PTPN9: variants seen among roughly 807,000 people sequenced by gnomAD.
PTPN9 encodes the protein protein tyrosine phosphatase non-receptor type 9.
A neutral mutation model predicts 69.8 loss-of-function variants in PTPN9; 26 were observed. The observed-to-expected ratio is 0.37, with a 90% CI of 0.27 to 0.52. PTPN9 has a LOEUF of 0.52. Among genes scored for constraint, PTPN9 ranks in the 20% least tolerant of loss-of-function variants. The pLI is 0.91. For synonymous variants in PTPN9, 274 were observed against 272.5 expected (o/e 1.01, Z -0.05); for missense variants, 549 against 740.3 (o/e 0.74, Z 3.00).
At chr15:75,553,557 C>T (rs2075064385) in intron 1 of PTPN9, among the ~76,000 whole-genome samples, 1 of 152,196 alleles carries the variant, frequency 6.6e-6, no homozygotes, top group Non-Finnish European at 1.5e-5. Flanking sequence ...TACCTGACAA[C>T]TGCTTCTATC....
At chr15:75,502,397 G>A (rs1301662264) in intron 7 of PTPN9, among the ~76,000 whole-genome samples, 1 of 151,756 alleles carries the variant, frequency 6.6e-6, no homozygotes, top group Non-Finnish European at 1.5e-5. Flanking sequence ...GCAGTGAGCC[G>A]AGATCGTGCC....
intron 1 of PTPN9, among the ~76,000 whole-genome samples, chr15:75,562,969 G>A (rs1374676568): frequency 6.6e-6 from 1 of 151,910 alleles, no homozygotes; most frequent in Non-Finnish European, 1.5e-5. Flanking sequence ...GGGTACATGT[G>A]CAGGTTTATT....
At chr15:75,538,358 T>C (rs567206368) in intron 1 of PTPN9, among the ~76,000 whole-genome samples, 1 of 152,058 alleles carries the variant, frequency 6.6e-6, no homozygotes, top group Non-Finnish European at 1.5e-5. Flanking sequence ...CTGAAGGTCA[T>C]ACCTAACAGA....
At chr15:75,507,571 TC>T (rs2074826256) in intron 6 of PTPN9, among the ~76,000 whole-genome samples, 1 of 147,858 alleles carries the variant, frequency 6.8e-6, no homozygotes, top group Non-Finnish European at 1.5e-5. Flanking sequence ...ATCAAGACCA[TC>T]CTGGCTAACA....
intron 7 of PTPN9, among the ~76,000 whole-genome samples, chr15:75,494,007 G>C (rs1384565260): frequency 6.6e-6 from 1 of 151,848 alleles, no homozygotes; most frequent in African/African-American, 2.4e-5. Context: ...ACATAGTCAA[G>C]CTCATTTATT....
Position 75,473,723 on chromosome 15 carries a change from C to G in PTPN9, c.1174G>C (p.Glu392Gln). 1 of 1,588,776 alleles carries G rather than the reference C, an allele frequency of 6.3e-7. No individual in the cohort carries two copies. Among genetic ancestry groups the G allele is most frequent in the Non-Finnish European group, 8.6e-7 (1 of 1,156,962 alleles). ...TYRDFWLMVW[E>Q]QKVLVIVMTT... ...ATGACAATCACCAAGACTTTTTGCTCCCATACCATGAGCCAGAAATCACGA... is the reference window on the plus strand; with the variant it reads ...ATGACAATCACCAAGACTTTTTGCTGCCATACCATGAGCCAGAAATCACGA... Residue 392 changes from glutamate to glutamine, a missense_variant, in exon 10 of 13, where the codon GAG (glutamate) becomes CAG (glutamine). Glu to Gln is a conservative substitution (Grantham distance 29). Transcript: ENST00000618819.
chr15:75,566,394 G>C (rs918255345), intron 1 of PTPN9, among the ~76,000 whole-genome samples: 1 of 152,186 alleles, frequency 6.6e-6, no homozygotes, highest in African/African-American at 2.4e-5. Flanking sequence ...TAAAAGAAAC[G>C]TAAGTGGCGG....
intron 5 of PTPN9, among the ~76,000 whole-genome samples, chr15:75,511,058 C>T (rs560935915): frequency 4.0e-4 from 61 of 152,294 alleles, no homozygotes; most frequent in Non-Finnish European, 4.4e-4. Context: ...ACATTGCTTT[C>T]TAAGGCTGAA....
intron 7 of PTPN9, among the ~76,000 whole-genome samples, chr15:75,503,658 C>T (rs1364887471): frequency 7.4e-6 from 1 of 134,414 alleles, no homozygotes; most frequent in Non-Finnish European, 1.6e-5. Flanking sequence ...CTCTGCCCAG[C>T]CGCCCCTACT....
chr15:75,572,826 T>C (rs1024230530), intron 1 of PTPN9, among the ~76,000 whole-genome samples: 2 of 152,164 alleles, frequency 1.3e-5, no homozygotes, highest in Non-Finnish European at 2.9e-5. Context: ...CACCTTGAAA[T>C]GGAGAGTTGA....
At position 75,468,867 on chromosome 15, in the gene PTPN9, C is replaced by G. The variant is rs1259088932; in HGVS notation, c.1684G>C (p.Glu562Gln). 2 of 1,614,172 alleles carry G rather than the reference C, an allele frequency of 1.2e-6. No homozygotes were observed. Among genetic ancestry groups the G allele is most frequent in the Admixed American group, 3.3e-5 (2 of 60,026 alleles). ...TQRAFSIQTP[E>Q]QYYFCYKAIL... ...GCCTTGTAGCAAAAATAGTACTGCT[C>G]AGGGGTCTGGATGCTGAAGGCCCTC... Residue 562 changes from glutamate (E) to glutamine (Q), a missense_variant, in exon 13 of 13, where the codon GAG (glutamate) becomes CAG (glutamine). By Grantham distance (29) the Glu-to-Gln change is conservative (BLOSUM62 2). Transcript: ENST00000618819.
chr15:75,546,521 T>C (rs1461141321), intron 1 of PTPN9, among the ~76,000 whole-genome samples: 1 of 151,810 alleles, frequency 6.6e-6, no homozygotes, highest in Non-Finnish European at 1.5e-5. Context: ...CACATGCCTG[T>C]ACTCCCAGCT....
chr15:75,556,504 G>A (rs1247394770), intron 1 of PTPN9, among the ~76,000 whole-genome samples: 1 of 152,012 alleles, frequency 6.6e-6, no homozygotes, highest in Non-Finnish European at 1.5e-5. Context: ...AGCCTTCTGA[G>A]TAGCTGGGAT....
chr15:75,551,991 G>A (rs1179041879), intron 1 of PTPN9, among the ~76,000 whole-genome samples: 1 of 150,128 alleles, frequency 6.7e-6, no homozygotes, highest in Non-Finnish European at 1.5e-5. Context: ...ACAGTGAGCT[G>A]AGATTTCACC....
chr15:75,537,443 TAAAAAAAAAAAAAAA>T lies in PTPN9; in HGVS notation c.64-10197_64-10183del, dbSNP rs71140168. Among the ~76,000 whole-genome samples, 30 of 20,350 alleles carry T rather than the reference TAAAAAAAAAAAAAAA, an allele frequency of 1.5e-3. 1 individual carries two copies. Among genetic ancestry groups the T allele is most frequent in the African/African-American group, 6.4e-3 (29 of 4,536 alleles). The allele number at this position is 20,350 out of a possible 152,430, so 13.4% of individuals were successfully genotyped here. A position where few individuals can be genotyped will look rare whatever the true frequency, so the allele number is the denominator to read the frequency against. On this transcript the variant is annotated intron_variant, in intron 1 of 12. Transcript: ENST00000618819. ...AAGAGGAATCGTCAAATATCTTCCC[TAAAAAAAAAAAAAAA>T]AAAAAAAAAAAAAGGCCAGGCTCGG...
intron 7 of PTPN9, among the ~76,000 whole-genome samples, chr15:75,501,796 C>G (rs1555454454): frequency 6.6e-6 from 1 of 152,128 alleles, no homozygotes; most frequent in Non-Finnish European, 1.5e-5. Context: ...AGCTCACTAG[C>G]TGGAGAGAAA....
At chr15:75,499,511 T>A (rs993127017) in intron 7 of PTPN9, among the ~76,000 whole-genome samples, 11 of 148,812 alleles carry the variant, frequency 7.4e-5, no homozygotes, top group African/African-American at 2.8e-4. Flanking sequence ...GCTCAAGTGA[T>A]TCTCCTGCCT....
chr15:75,548,910 C>G (rs1477185096), intron 1 of PTPN9, among the ~76,000 whole-genome samples: 1 of 152,048 alleles, frequency 6.6e-6, no homozygotes, highest in Non-Finnish European at 1.5e-5. Flanking sequence ...GCCTCAGCCT[C>G]CCAAAGTACT....
chr15:75,509,179 G>A, intron 5 of PTPN9, 152 bp from the exon 6 acceptor site: 1 of 598,582 alleles, frequency 1.7e-6, no homozygotes, highest in South Asian at 2.2e-5. Flanking sequence ...AGGAAAAGTG[G>A]TTAAACAAAC....
Sources: gnomAD v4.1 joint callset for allele counts (sites outside exome capture counted in the v4.1 genomes callset) on GRCh38, gnomAD v4.1.1 for gene constraint, MANE v1.5 for transcripts, NCBI Gene and HGNC (gene_info 2026-07-23, HGNC 2026-07-21) for gene names.